Variants in ACSM3 observed in about 807,000 individuals in gnomAD.
ACSM3 encodes the protein acyl-CoA synthetase medium chain family member 3, also known as acyl-coenzyme A synthetase ACSM3, mitochondrial.
Under a neutral mutation model 74.1 loss-of-function variants are expected in ACSM3, and 61 were observed. That is an observed-to-expected ratio of 0.82 (90% CI 0.67 to 1.02). The LOEUF is 1.02. ACSM3 is among the 50% of genes least tolerant of loss of function. The pLI is 0.00. For missense variants in ACSM3, 660 were observed against 697.0 expected (o/e 0.95, Z 0.60); for synonymous variants, 213 against 241.5 (o/e 0.88, Z 1.09).
intron 1 of ACSM3, among the ~76,000 whole-genome samples, chr16:20,733,180 C>A (rs1025178660): frequency 1.3e-5 from 2 of 151,922 alleles, no homozygotes; most frequent in African/African-American, 4.8e-5. Context: ...TTTCAATAAC[C>A]AAACTGACAA....
chr16:20,713,332 TC>T (rs1247558036), intron 1 of ACSM3, among the ~76,000 whole-genome samples: 1 of 152,214 alleles, frequency 6.6e-6, no homozygotes, highest in Admixed American at 6.5e-5. Flanking sequence ...CAGTAGTGAT[TC>T]CTAAGGTAGT....
At chr16:20,738,055 G>A (rs1012344991) in intron 1 of ACSM3, 1 of 1,145,092 alleles carries the variant, frequency 8.7e-7, no homozygotes, top group Admixed American at 2.2e-5. Context: ...GTTGACAGAA[G>A]AAATTCTCAT....
intron 1 of ACSM3, chr16:20,727,201 T>C (rs1457103488): frequency 5.6e-6 from 2 of 359,418 alleles, no homozygotes; most frequent in African/African-American, 4.4e-5. Context: ...ACAGTAGGTG[T>C]TCAACAAGTT....
intron 1 of ACSM3, among the ~76,000 whole-genome samples, chr16:20,701,505 CA>C: frequency 6.6e-6 from 1 of 152,134 alleles, no homozygotes; most frequent in South Asian, 2.1e-4. Flanking sequence ...ACTTCAGAGC[CA>C]GATAGACCAA....
chr16:20,780,471 A>G (rs1211783314), intron 4 of ACSM3: 1 of 719,160 alleles, frequency 1.4e-6, no homozygotes, highest in Non-Finnish European at 2.2e-6. Flanking sequence ...TTTATCATAG[A>G]ATAAAAAGCT....
chr16:20,742,930 A>C (rs1346233249), intron 1 of ACSM3, among the ~76,000 whole-genome samples: 1 of 143,454 alleles, frequency 7.0e-6, no homozygotes, highest in Non-Finnish European at 1.5e-5. Flanking sequence ...AAGGTATTGT[A>C]TGTTTGTCTA....
intron 9 of ACSM3, among the ~76,000 whole-genome samples, chr16:20,787,217 TCC>T (rs1368734331): frequency 6.6e-6 from 1 of 152,194 alleles, no homozygotes; most frequent in Non-Finnish European, 1.5e-5. Flanking sequence ...GTTGAAAACA[TCC>T]TAAGTCACAA....
chr16:20,709,836 C>G (rs1349699317), intron 1 of ACSM3, among the ~76,000 whole-genome samples: 1 of 152,164 alleles, frequency 6.6e-6, no homozygotes, highest in Non-Finnish European at 1.5e-5. Flanking sequence ...TGGCTTATAG[C>G]ACAAGTCTTG....
At chr16:20,703,605 C>T (rs1313463830) in intron 1 of ACSM3, 1 of 152,084 alleles carries the variant, frequency 6.6e-6, no homozygotes, top group Non-Finnish European at 1.5e-5. Context: ...CACTGTCACC[C>T]CTGCCTCCTG....
chr16:20,778,970 C>T (rs1330441089), intron 4 of ACSM3, among the ~76,000 whole-genome samples: 3 of 152,132 alleles, frequency 2.0e-5, no homozygotes, highest in African/African-American at 7.2e-5. Context: ...CCAGGATGGT[C>T]TCAATCTCCT....
chr16:20,726,266 A>G (rs1000909650), intron 1 of ACSM3, among the ~76,000 whole-genome samples: 5 of 152,262 alleles, frequency 3.3e-5, no homozygotes, highest in South Asian at 2.1e-4. Flanking sequence ...GCCAAACTAC[A>G]TGAACATCCA....
Position 20,741,613 on chromosome 16 carries a change from G to C in ACSM3, c.-189-8297G>C, listed in dbSNP as rs201084085. 19 of 1,573,414 alleles carry C rather than the reference G, an allele frequency of 1.2e-5. 1 individual carries two copies. The highest frequency in any genetic ancestry group is 1.8e-4 in the Middle Eastern group (1 of 5,470). ...TTGCAGGTGATGAGGATGCCCTGTAGCCCGGGCTCTAGCTGACGGGGCCCG... is the reference window on the plus strand; with the variant it reads ...TTGCAGGTGATGAGGATGCCCTGTACCCCGGGCTCTAGCTGACGGGGCCCG... On this transcript the variant is annotated intron_variant, in intron 1 of 3. Transcript: ENST00000561584.
At chr16:20,694,622 A>G (rs902347042) in intron 1 of ACSM3, among the ~76,000 whole-genome samples, 1 of 152,192 alleles carries the variant, frequency 6.6e-6, no homozygotes. Context: ...AAGACAGTCC[A>G]AACAACCCCT....
chr16:20,715,122 T>C (rs2079757057), intron 1 of ACSM3, among the ~76,000 whole-genome samples: 1 of 152,184 alleles, frequency 6.6e-6, no homozygotes, highest in Admixed American at 6.5e-5. Context: ...ATGAGGGGTC[T>C]CCCTGCAAGG....
chr16:20,739,190 T>C (rs1375030489), intron 1 of ACSM3: 56 of 860,404 alleles, frequency 6.5e-5, no homozygotes, highest in Non-Finnish European at 8.8e-5. Flanking sequence ...TTTTTTTTTT[T>C]CTAAAGATGG....
At chr16:20,676,446 C>A (rs117828353) in intron 1 of ACSM3, among the ~76,000 whole-genome samples, 1 of 152,144 alleles carries the variant, frequency 6.6e-6, no homozygotes, top group East Asian at 1.9e-4. Flanking sequence ...TCTGTTTAAC[C>A]CTAAGGCTGC....
intron 1 of ACSM3, among the ~76,000 whole-genome samples, chr16:20,718,009 A>T (rs955542079): frequency 4.7e-5 from 7 of 149,468 alleles, no homozygotes; most frequent in African/African-American, 1.7e-4. Context: ...GAAGAAGAAG[A>T]AGAAGAAGAA....
chr16:20,716,128 G>A (rs1056096560), intron 1 of ACSM3, among the ~76,000 whole-genome samples: 8 of 152,130 alleles, frequency 5.3e-5, no homozygotes, highest in African/African-American at 1.4e-4. Flanking sequence ...TGCATTAATC[G>A]AAGCAAGTCA....
In ACSM3 at chr16:20,791,986, G is replaced by A. The variant is rs1258083635; in HGVS notation, c.1327-16G>A. 1.9e-6 allele frequency: 3 copies of A among 1,611,690 alleles called. No homozygotes were observed. The highest frequency in any genetic ancestry group is 1.7e-5 in the Admixed American group (1 of 59,690). The stretch of plus-strand genomic sequence containing the variant: ...GTTGGATTCACCATAACAACAAAAT[G>A]CTATTTGTTTTGCAGGATAATCCTT... On this transcript the variant is annotated splice_polypyrimidine_tract_variant and intron_variant, in intron 10 of 13. Coordinates refer to ENST00000289416, the MANE Select transcript of ACSM3 (RefSeq NM_005622.4).
Sources: gnomAD v4.1 joint callset for allele counts (sites outside exome capture counted in the v4.1 genomes callset) on GRCh38, gnomAD v4.1.1 for gene constraint, MANE v1.5 for transcripts, NCBI Gene and HGNC (gene_info 2026-07-23, HGNC 2026-07-21) for gene names.